Variants in MLC1 observed in about 807,000 individuals in gnomAD.
MLC1 encodes modulator of VRAC current 1.
A neutral mutation model predicts 44.7 loss-of-function variants in MLC1; 32 were observed. That is an observed-to-expected ratio of 0.72 (90% CI 0.54 to 0.96). The LOEUF (loss-of-function observed/expected upper bound fraction) is 0.96. MLC1 is among the 40% of genes least tolerant of loss of function. The pLI, the probability that MLC1 is intolerant of heterozygous loss-of-function variation, is 0.00. For synonymous variants in MLC1, 190 were observed against 213.0 expected, an observed-to-expected ratio of 0.89 and a Z score of 0.94; for missense variants, 459 against 492.2, an observed-to-expected ratio of 0.93 and a Z score of 0.64.
At chr22:50,070,073 G>T (rs1341498235) in intron 9 of MLC1, among the ~76,000 whole-genome samples, 1 of 151,882 alleles carries the variant, frequency 6.6e-6, no homozygotes, top group East Asian at 1.9e-4. Flanking sequence ...ATGGTGGCAG[G>T]CGCCTATAAT....
chr22:50,068,507 T>C lies in MLC1; in HGVS notation c.820A>G (p.Thr274Ala), dbSNP rs201463856. Residue 274 changes from threonine (T) to alanine (A), a missense_variant, in exon 10 of 12, where the codon ACA becomes GCA. Thr to Ala is a moderately conservative substitution (Grantham distance 58). Transcript: ENST00000311597. ...CTGAATGACAGATATCCAGAGGCTGTGAACAGCAGCGGAGACGTGAGGCTG... is the reference window on the plus strand; with the variant it reads ...CTGAATGACAGATATCCAGAGGCTGCGAACAGCAGCGGAGACGTGAGGCTG... ...ISSLTSPLLF[T>A]ASGYLSFSIM... is the part of the protein sequence containing the mutation. The C allele has an allele frequency of 5.0e-5, 81 of 1,613,810 alleles. No homozygotes were observed. The highest frequency in any genetic ancestry group is 1.6e-4 in the Middle Eastern group (1 of 6,062).
chr22:50,068,691 C>T, intron 9 of MLC1, 136 bp from the exon 10 acceptor site: 1 of 886,834 alleles, frequency 1.1e-6, no homozygotes, highest in Non-Finnish European at 1.8e-6. Context: ...TGCATGACTC[C>T]TGCTGAAACC....
In MLC1 at chr22:50,062,845, C is replaced by T. The variant is rs374505062; in HGVS notation, c.1060-1188G>A. 4.7e-4 allele frequency among the ~76,000 whole-genome samples: 71 copies of T among 152,292 alleles called. No individual in the cohort carries two copies. In the South Asian group the frequency reaches 0.013, roughly 28 times the overall value. On this transcript the variant is annotated intron_variant, in intron 11 of 11. Transcript: ENST00000311597. Reference sequence around the variant, plus strand: ...TGCCCAGGGGAGCACCACCAGGACCCGTAGCTCGGTGGGGGGAAGACGCTG... The same window carrying T: ...TGCCCAGGGGAGCACCACCAGGACCTGTAGCTCGGTGGGGGGAAGACGCTG...
intron 7 of MLC1, 58 bp downstream of exon 7, chr22:50,076,783 G>A (rs974048124): frequency 1.3e-6 from 2 of 1,566,750 alleles, no homozygotes; most frequent in Admixed American, 1.7e-5. Flanking sequence ...GTTTAATCCA[G>A]CCTCAGTCAC....
chr22:50,077,521 G>T lies in MLC1; in HGVS notation c.424-19C>A, dbSNP rs372675474. ...AGTTGATCTGCCAAGGGGCACACAC[G>T]CTTCAGCACCGGGCCCGCCTTTCTC... On this transcript the variant is annotated intron_variant, in intron 5 of 11. Transcript: ENST00000311597. 4.4e-6 allele frequency: 7 copies of T among 1,599,226 alleles called. 1 individual carries two copies. In the South Asian group the frequency reaches 7.7e-5, roughly 18 times the overall value.
intron 10 of MLC1, among the ~76,000 whole-genome samples, chr22:50,064,700 C>T (rs2061667233): frequency 6.6e-6 from 1 of 152,144 alleles, no homozygotes; most frequent in African/African-American, 2.4e-5. Flanking sequence ...GGAGGCAGCG[C>T]GGTGAGCTCG....
rs281875310 is a variant in MLC1, at chr22:50,083,111, C to T, written c.240G>A (p.Met80Ile). 1.9e-6 allele frequency: 3 copies of T among 1,614,006 alleles called. No individual in the cohort carries two copies. In the African/African-American group the frequency reaches 4.0e-5, roughly 22 times the overall value. ...LYLGNVFPAE[M>I]DYLRCAAGSC... ...AGCCTGCAGCACAGCGCAAGTAATC[C>T]ATCTCAGCCGGGAACACGTTCCCCA... The change falls in exon 3 of 12, where the codon ATG becomes ATA. Residue 80 changes from methionine to isoleucine, a missense_variant. Transcript: ENST00000311597. This position sits in a 1 kb window ranked among gnomAD's most constrained non-coding sequence, Gnocchi z 4.6.
intron 10 of MLC1, 108 bp from the exon 11 acceptor site, chr22:50,064,306 G>C: frequency 4.4e-6 from 6 of 1,365,042 alleles, no homozygotes; most frequent in Non-Finnish European, 6.0e-6. Context: ...GCCAGGGCTC[G>C]AGTCGGAGCC....
chr22:50,062,305 C>T (rs1415750073), intron 11 of MLC1, among the ~76,000 whole-genome samples: 1 of 146,298 alleles, frequency 6.8e-6, no homozygotes, highest in African/African-American at 2.5e-5. Flanking sequence ...TGAGCCCCAG[C>T]CGCCCACCCT....
chr22:50,070,700 G>A (rs747027108), intron 8 of MLC1, 117 bp from the exon 9 acceptor site: 169 of 1,111,866 alleles, frequency 1.5e-4, no homozygotes, highest in Non-Finnish European at 2.1e-4. Flanking sequence ...GCTTGCTGTG[G>A]GGGGCAGGGG....
At chr22:50,062,239 CCCCAACCGCCCA>C in intron 11 of MLC1, among the ~76,000 whole-genome samples, 1 of 137,828 alleles carries the variant, frequency 7.3e-6, no homozygotes, top group African/African-American at 2.7e-5. Flanking sequence ...CCACCCTGAG[CCCCAACCGCCCA>C]CCCTGAGCCC....
rs188359569 is a variant in MLC1, at chr22:50,079,408, C to T, written c.423+510G>A. Among the ~76,000 whole-genome samples the T allele has an allele frequency of 1.7e-4, 25 of 150,660 alleles. No homozygotes were observed. The East Asian group carries it at 4.7e-3, about 28-fold the overall frequency. ...TACTCAAGCCTCCTCCAGCTTTCCCCAATCATCAAGTGCATTCCACATGTC... is the reference window on the plus strand; with the variant it reads ...TACTCAAGCCTCCTCCAGCTTTCCCTAATCATCAAGTGCATTCCACATGTC... On this transcript the variant is annotated intron_variant, in intron 5 of 11. Coordinates refer to ENST00000311597, the MANE Select transcript of MLC1 (RefSeq NM_015166.4).
At chr22:50,068,725 C>CTTTTTTTTTTTT (rs765426637) in intron 9 of MLC1, among the ~76,000 whole-genome samples, 170 bp from the exon 10 acceptor site, 19 of 105,248 alleles carry the variant, frequency 1.8e-4, no homozygotes, top group South Asian at 3.5e-4. Flanking sequence ...TTTTCTTTTT[C>CTTTTTTTTTTTT]TTTTTTTTTT....
Position 50,061,303 on chromosome 22 carries a change from G to A in MLC1, c.*280C>T, listed in dbSNP as rs1290179346. ...GGTGGGGCTCTCAAGAGGCCGAGCC[G>A]GGGGCCCTTCCTCGGCCTGGGAAGT... On this transcript the variant is annotated 3_prime_UTR_variant, in exon 12 of 12. Transcript: ENST00000311597. 1.4e-5 allele frequency: 7 copies of A among 506,268 alleles called. No homozygotes were observed. Among genetic ancestry groups the A allele is most frequent in the South Asian group, 2.1e-5 (1 of 48,712 alleles). The allele number at this position is 506,268 out of a possible 1,614,324, so 31.4% of individuals were successfully genotyped here.
rs367846933 is a variant in MLC1, at chr22:50,077,520, C to A, written c.424-18G>T. 2 of 1,600,466 alleles carry A rather than the reference C, an allele frequency of 1.2e-6. No individual in the cohort carries two copies. Among genetic ancestry groups the A allele is most frequent in the East Asian group, 2.2e-5 (1 of 44,844 alleles). Reference sequence around the variant, plus strand: ...AAGTTGATCTGCCAAGGGGCACACACGCTTCAGCACCGGGCCCGCCTTTCT... The same window carrying A: ...AAGTTGATCTGCCAAGGGGCACACAAGCTTCAGCACCGGGCCCGCCTTTCT... On this transcript the variant is annotated intron_variant, in intron 5 of 11. Transcript: ENST00000311597.
chr22:50,073,550 G>A (rs1242186825), intron 8 of MLC1, among the ~76,000 whole-genome samples: 3 of 152,120 alleles, frequency 2.0e-5, no homozygotes, highest in South Asian at 4.1e-4. Context: ...GGCCAACATG[G>A]CAAAACCCGG....
chr22:50,076,682 C>A (rs2061988661), intron 7 of MLC1, among the ~76,000 whole-genome samples, 159 bp downstream of exon 7: 1 of 152,194 alleles, frequency 6.6e-6, no homozygotes, highest in Non-Finnish European at 1.5e-5. Flanking sequence ...CCAATGATAC[C>A]AATAACAGAC....
At chr22:50,068,268 G>C (rs576664976) in intron 10 of MLC1, among the ~76,000 whole-genome samples, 165 bp downstream of exon 10, 19 of 152,362 alleles carry the variant, frequency 1.2e-4, no homozygotes, top group African/African-American at 4.6e-4. Flanking sequence ...GGCCAGGCTG[G>C]CATTGGGGAG....
intron 6 of MLC1, 60 bp downstream of exon 6, chr22:50,077,341 G>A (rs915416936): frequency 2.2e-5 from 32 of 1,471,406 alleles, no homozygotes; most frequent in African/African-American, 1.8e-4. Context: ...GACCCACCTC[G>A]CTCACCCTGG....
Sources: allele counts gnomAD v4.1 joint callset (sites outside exome capture counted in the v4.1 genomes callset), GRCh38; gene constraint gnomAD v4.1.1; non-coding constraint Gnocchi (gnomAD v3.1); transcripts MANE v1.5; gene names NCBI Gene and HGNC (gene_info 2026-07-23, HGNC 2026-07-21).